The following IL1R1 variants were observed in gnomAD, a reference collection of about 807,000 sequenced individuals.
IL1R1 encodes interleukin-1 receptor type 1.
In IL1R1, 22 loss-of-function variants were observed where a neutral mutation model predicts 50.2. That is an observed-to-expected ratio of 0.44 (90% confidence interval 0.31 to 0.63). The LOEUF is 0.63. Among genes scored for constraint, IL1R1 ranks in the 20% least tolerant of loss-of-function variants. The probability of loss-of-function intolerance (pLI) is 0.07; values close to 1 mark genes in which losing one functional copy is unlikely to be tolerated. For synonymous variants in IL1R1, 251 were observed against 236.7 expected (o/e 1.06, Z -0.55); for missense variants, 509 against 676.2 (o/e 0.75, Z 2.74).
chr2:102,094,549 G>A (rs933494), intron 1 of IL1R1, among the ~76,000 whole-genome samples: 42,186 of 152,096 alleles, frequency 0.28, 7,067 homozygotes, highest in Non-Finnish European at 0.36. Flanking sequence ...TCTATGAAAC[G>A]GTTGAAAGGA....
At chr2:102,171,702 C>A in intron 7 of IL1R1, 99 bp from the exon 8 acceptor site, 2 of 590,832 alleles carry the variant, frequency 3.4e-6, no homozygotes, top group South Asian at 3.4e-5. Flanking sequence ...TTTCTTTGTG[C>A]ATTTCTATAT....
At chr2:102,103,237 C>T (rs962383293), upstream of IL1R1, among the ~76,000 whole-genome samples, 3 of 152,152 alleles carry the variant, frequency 2.0e-5, no homozygotes, top group East Asian at 1.9e-4. Flanking sequence ...CTGCTATCTC[C>T]GTTATCATCA....
intron 1 of IL1R1, among the ~76,000 whole-genome samples, chr2:102,126,357 G>A (rs986310251): frequency 6.6e-6 from 1 of 152,222 alleles, no homozygotes; most frequent in African/African-American, 2.4e-5. Context: ...AATAACATGA[G>A]TGGCATTGCT....
chr2:102,147,192 A>C (rs1001280982), intron 1 of IL1R1, among the ~76,000 whole-genome samples: 3 of 152,192 alleles, frequency 2.0e-5, no homozygotes, highest in Admixed American at 6.5e-5. Flanking sequence ...TGGTGCACAC[A>C]GTTGTTGCAA....
At chr2:102,110,878 C>T (rs1212006971) in intron 1 of IL1R1, among the ~76,000 whole-genome samples, 1 of 152,056 alleles carries the variant, frequency 6.6e-6, no homozygotes, top group African/African-American at 2.4e-5. Flanking sequence ...GAAAGAAACA[C>T]AGAGACAGAA....
chr2:102,136,338 C>T (rs1361789591), intron 1 of IL1R1, among the ~76,000 whole-genome samples: 1 of 151,820 alleles, frequency 6.6e-6, no homozygotes, highest in African/African-American at 2.4e-5. Context: ...ACTTTCCTAG[C>T]TCCCATTGTC....
rs538152949 is a variant in IL1R1, at chr2:102,134,739, T to C, written c.-83-19202T>C. ...GAAAAAGCAATCAATACTTTCTCAA[T>C]CACCATGTTCTTCCTGAGGGTCTCT... On this transcript the variant is annotated intron_variant, in intron 1 of 10. Transcript: ENST00000409329. Among the ~76,000 whole-genome samples the C allele has an allele frequency of 6.6e-5, 10 of 152,212 alleles. No individual in the cohort carries two copies. In the South Asian group the frequency reaches 2.1e-3, roughly 32 times the overall value.
intron 1 of IL1R1, among the ~76,000 whole-genome samples, chr2:102,072,420 AG>A (rs1322310734): frequency 1.3e-5 from 2 of 152,238 alleles, no homozygotes; most frequent in Non-Finnish European, 1.5e-5. Context: ...AGATTTTAAT[AG>A]TTTACACTTG....
At chr2:102,100,496 G>A (rs1680094570), upstream of IL1R1, among the ~76,000 whole-genome samples, 1 of 152,226 alleles carries the variant, frequency 6.6e-6, no homozygotes, top group African/African-American at 2.4e-5. Flanking sequence ...TCTTTGTTTT[G>A]CTCACAAGAC....
upstream of IL1R1, among the ~76,000 whole-genome samples, chr2:102,103,626 TTG>T (rs1680248463): frequency 6.6e-6 from 1 of 151,998 alleles, no homozygotes; most frequent in African/African-American, 2.4e-5. Flanking sequence ...TTGAGTAGCG[TTG>T]TGATAGGCTG....
chr2:102,084,838 T>C (rs976492954), intron 1 of IL1R1, among the ~76,000 whole-genome samples: 1 of 152,240 alleles, frequency 6.6e-6, no homozygotes. Context: ...TCTGCTAATA[T>C]GTACTTCCAG....
Position 102,179,821 on chromosome 2 carries a change from G to A in IL1R1, c.*3062G>A, listed in dbSNP as rs989717232. 1.4e-4 allele frequency: 21 copies of A among 152,574 alleles called. No homozygotes were observed. Among genetic ancestry groups the A allele is most frequent in the African/African-American group, 4.1e-4 (17 of 41,386 alleles). 9.5% of individuals were successfully genotyped at this position (152,574 alleles called of 1,614,324 possible). A position where few individuals can be genotyped will look rare whatever the true frequency, so the allele number is the denominator to read the frequency against. ...CAAATTCATGTACAGCATGCATCAC[G>A]GATCAATAGACTGTACTTATTTTCC... On this transcript the variant is annotated 3_prime_UTR_variant, in exon 12 of 12. Transcript: ENST00000410023.
chr2:102,092,843 T>C (rs1679734635), intron 1 of IL1R1, among the ~76,000 whole-genome samples: 1 of 152,114 alleles, frequency 6.6e-6, no homozygotes, highest in Non-Finnish European at 1.5e-5. Flanking sequence ...ACTATGATTT[T>C]TTTTTTCAGC....
chr2:102,101,066 G>A (rs1680120324), upstream of IL1R1, among the ~76,000 whole-genome samples: 1 of 152,134 alleles, frequency 6.6e-6, no homozygotes, highest in Non-Finnish European at 1.5e-5. Flanking sequence ...TGGAGATCAG[G>A]TCAATTAGCA....
chr2:102,166,006 TA>T (rs1685149797), intron 5 of IL1R1, 106 bp from the exon 6 acceptor site: 1 of 943,520 alleles, frequency 1.1e-6, no homozygotes, highest in Non-Finnish European at 1.6e-6. Context: ...AGTCACTTTC[TA>T]AAAATATAAC....
rs145731161 is a variant in IL1R1 at position 102,073,500 on chromosome 2, A to G, written c.-84+2967A>G. Among the ~76,000 whole-genome samples, 61 of 152,160 alleles carry G rather than the reference A, an allele frequency of 4.0e-4. No homozygotes were observed. The East Asian group carries it at 0.012, about 29-fold the overall frequency. ...TGAGTTCCTTCCCTCCCTTCCCTCA[A>G]CCTCCAGTGTAGAGGAGACTGATGA... On this transcript the variant is annotated intron_variant, in intron 1 of 11. Transcript: ENST00000409929.
intron 1 of IL1R1, among the ~76,000 whole-genome samples, chr2:102,082,669 A>T (rs1679266052): frequency 6.6e-6 from 1 of 152,178 alleles, no homozygotes; most frequent in Non-Finnish European, 1.5e-5. Flanking sequence ...AGAGAGTCTT[A>T]TTGTGCCATA....
chr2:102,164,673 A>G (rs1187097818), intron 3 of IL1R1, 101 bp from the exon 4 acceptor site: 4 of 731,138 alleles, frequency 5.5e-6, no homozygotes, highest in African/African-American at 5.3e-5. Context: ...TGTAATGTGA[A>G]TTGATGTATT....
intron 5 of IL1R1, 21 bp from the exon 6 acceptor site, chr2:102,166,092 C>T (rs1424546481): frequency 1.9e-6 from 3 of 1,597,626 alleles, no homozygotes; most frequent in Non-Finnish European, 2.6e-6. Flanking sequence ...GTTTTCAATG[C>T]TTCTCTCTCC....
Sources: gnomAD v4.1 joint callset for allele counts (sites outside exome capture counted in the v4.1 genomes callset) on GRCh38, gnomAD v4.1.1 for gene constraint, MANE v1.5 for transcripts, NCBI Gene and HGNC (gene_info 2026-07-23, HGNC 2026-07-21) for gene names.